Variants in SCEL observed in about 807,000 individuals in gnomAD.
The protein encoded by SCEL is sciellin.
In SCEL, 113 loss-of-function variants were observed where a neutral mutation model predicts 117.6. That is an observed-to-expected ratio of 0.96 (90% CI 0.83 to 1.12). The LOEUF (loss-of-function observed/expected upper bound fraction) is 1.12, where lower values mean the gene tolerates loss of function less well. Ranked by LOEUF, SCEL falls within the 50% of genes most tolerant of loss-of-function variation. The pLI, the probability that SCEL is intolerant of heterozygous loss-of-function variation, is 0.00. For synonymous variants in SCEL, 270 were observed against 256.2 expected (o/e 1.05, Z -0.51); for missense variants, 785 against 810.8 (o/e 0.97, Z 0.39).
chr13:77,618,132 C>T (rs1406487902), intron 27 of SCEL, 72 bp downstream of exon 27: 4 of 1,116,194 alleles, frequency 3.6e-6, no homozygotes, highest in Admixed American at 1.7e-5. Flanking sequence ...CTCCTTGCCT[C>T]CCTGCCTCCC....
chr13:77,602,158 T>C (rs2154401647), intron 16 of SCEL, 34 bp downstream of exon 16: 1 of 1,569,770 alleles, frequency 6.4e-7, no homozygotes, highest in East Asian at 2.2e-5. Context: ...GGAGCTCTTT[T>C]TATTCAGGTT....
Position 77,644,309 on chromosome 13 carries a change from A to T in SCEL, c.*35A>T. On this transcript the variant is annotated 3_prime_UTR_variant, in exon 33 of 33. Coordinates refer to ENST00000349847, the MANE Select transcript of SCEL (RefSeq NM_144777.3). ...AAGGAAATCAAGATGAAAAGCACTC[A>T]TTAAGGAATTAAAGTTACAAGTTTT... 1.9e-6 allele frequency: 3 copies of T among 1,604,882 alleles called. No individual in the cohort carries two copies. Among genetic ancestry groups the T allele is most frequent in the Non-Finnish European group, 2.6e-6 (3 of 1,172,402 alleles).
At chr13:77,604,041 T>C (rs1420233225) in intron 18 of SCEL, among the ~76,000 whole-genome samples, 2 of 151,824 alleles carry the variant, frequency 1.3e-5, no homozygotes, top group African/African-American at 4.8e-5. Flanking sequence ...GTTATTTCAA[T>C]GCTGCCTGCT....
At position 77,599,991 on chromosome 13, in the gene SCEL, C is replaced by G. The variant is rs78273800; in HGVS notation, c.917+243C>G. ...TCATTCCATAAAATGAAGGATATGA[C>G]CTAGATGATCTCCCAGTTCCCCTTC... On this transcript the variant is annotated intron_variant, in intron 15 of 32. Transcript: ENST00000349847. 530 of 474,070 alleles carry G rather than the reference C, an allele frequency of 1.1e-3. 6 individuals carry two copies. The East Asian group carries it at 0.017, about 15-fold the overall frequency. 29.4% of individuals were successfully genotyped at this position (474,070 alleles called of 1,614,324 possible). A position where few individuals can be genotyped will look rare whatever the true frequency, so the allele number is the denominator to read the frequency against.
intron 1 of SCEL, among the ~76,000 whole-genome samples, chr13:77,540,240 A>G (rs1054663755): frequency 2.0e-5 from 3 of 152,262 alleles, no homozygotes; most frequent in African/African-American, 4.8e-5. Context: ...ATATTCCTCT[A>G]GAACTGATTA....
At chr13:77,610,752 TTCC>T (rs1346348058) in intron 22 of SCEL, among the ~76,000 whole-genome samples, 3 of 152,352 alleles carry the variant, frequency 2.0e-5, no homozygotes, top group African/African-American at 7.2e-5. Context: ...TAAAAAATTC[TTCC>T]TCCTTCTTCT....
chr13:77,568,484 TA>T, intron 7 of SCEL, 151 bp downstream of exon 7: 1 of 540,370 alleles, frequency 1.9e-6, no homozygotes, highest in East Asian at 3.4e-5. Context: ...AAATGGTCTG[TA>T]AAGGTTCAAA....
chr13:77,546,025 T>C (rs140789818), intron 1 of SCEL, among the ~76,000 whole-genome samples: 142 of 152,362 alleles, frequency 9.3e-4, no homozygotes, highest in African/African-American at 3.4e-3. Context: ...AGCACTGGAC[T>C]ACGAGAGAAA....
chr13:77,601,990 G>C, intron 15 of SCEL, 75 bp from the exon 16 acceptor site: 2 of 1,146,438 alleles, frequency 1.7e-6, no homozygotes, highest in Non-Finnish European at 1.2e-6. Context: ...TTGTCATTAC[G>C]AGAGTCTGAA....
chr13:77,616,278 T>C (rs2089031964), intron 24 of SCEL, among the ~76,000 whole-genome samples: 2 of 151,970 alleles, frequency 1.3e-5, no homozygotes, highest in African/African-American at 4.8e-5. Context: ...TGTGATTAAT[T>C]TTATATTTTT....
At chr13:77,637,255 T>G (rs200284729) in intron 30 of SCEL, 61 bp downstream of exon 30, 1 of 371,680 alleles carries the variant, frequency 2.7e-6, no homozygotes. Flanking sequence ...CACACACATA[T>G]ATATATATAT....
intron 17 of SCEL, 105 bp from the exon 18 acceptor site, chr13:77,602,971 A>G (rs761904362): frequency 2.7e-4 from 189 of 699,708 alleles, no homozygotes; most frequent in Non-Finnish European, 3.4e-4. Context: ...TGTCAGTATA[A>G]TAATTTTCTC....
intron 32 of SCEL, among the ~76,000 whole-genome samples, chr13:77,643,355 T>C (rs1053904211): frequency 1.3e-5 from 2 of 152,170 alleles, no homozygotes; most frequent in African/African-American, 4.8e-5. Flanking sequence ...TGAGGACCTG[T>C]GTTTTTAACT....
intron 29 of SCEL, among the ~76,000 whole-genome samples, chr13:77,635,136 T>G (rs1177410063): frequency 2.0e-5 from 3 of 152,156 alleles, no homozygotes; most frequent in Non-Finnish European, 2.9e-5. Context: ...ATGGCAGTCG[T>G]GATGGGGATC....
intron 9 of SCEL, among the ~76,000 whole-genome samples, chr13:77,583,958 C>T (rs2086410103): frequency 1.3e-5 from 2 of 152,208 alleles, no homozygotes; most frequent in Admixed American, 6.5e-5. Context: ...CTACAGTCTG[C>T]AAGTGTTCAC....
chr13:77,591,487 G>T (rs918267675), intron 11 of SCEL, 27 bp downstream of exon 11: 2 of 1,215,900 alleles, frequency 1.6e-6, no homozygotes, highest in South Asian at 2.6e-5. Flanking sequence ...TTATATCTAT[G>T]TAACTGTAGT....
chr13:77,552,351 G>A, intron 1 of SCEL, among the ~76,000 whole-genome samples: 1 of 151,612 alleles, frequency 6.6e-6, no homozygotes, highest in East Asian at 1.9e-4. Context: ...TCCTCTCCAG[G>A]ACCTGTTGTT....
chr13:77,632,939 T>C (rs1052389187), intron 28 of SCEL, among the ~76,000 whole-genome samples: 1 of 152,196 alleles, frequency 6.6e-6, no homozygotes, highest in African/African-American at 2.4e-5. Flanking sequence ...TTAGATATAT[T>C]GTACATGGGA....
chr13:77,595,656 T>A (rs2087182479), intron 12 of SCEL, among the ~76,000 whole-genome samples: 1 of 152,112 alleles, frequency 6.6e-6, no homozygotes, highest in Non-Finnish European at 1.5e-5. Flanking sequence ...ATGAACAGAT[T>A]GTTAGTCTCA....
Sources: gnomAD v4.1 joint callset for allele counts (sites outside exome capture counted in the v4.1 genomes callset) on GRCh38, gnomAD v4.1.1 for gene constraint, MANE v1.5 for transcripts, NCBI Gene and HGNC (gene_info 2026-07-23, HGNC 2026-07-21) for gene names.